The following MGAM2 variants were observed in gnomAD, a reference collection of about 807,000 sequenced individuals.
MGAM2 encodes the protein maltase-glucoamylase 2 (putative).
A neutral mutation model predicts 96.1 loss-of-function variants in MGAM2; 98 were observed. The ratio of observed to expected loss-of-function variants is 1.02; its 90% confidence interval spans 0.87 to 1.21. The LOEUF (loss-of-function observed/expected upper bound fraction) is 1.21, where lower values mean the gene tolerates loss of function less well. Ranked by LOEUF, MGAM2 falls within the 50% of genes most tolerant of loss-of-function variation. MGAM2 has a pLI of 0.00. For missense variants in MGAM2, 2,055 were observed against 1,182.4 expected, an observed-to-expected ratio of 1.74 and a Z score of -10.82; for synonymous variants, 749 against 414.8, an observed-to-expected ratio of 1.81 and a Z score of -9.79.
intron 2 of MGAM2, among the ~76,000 whole-genome samples, chr7:142,118,838 T>C (rs1031513737): frequency 6.6e-6 from 1 of 152,150 alleles, no homozygotes; most frequent in African/African-American, 2.4e-5. Context: ...TATATAAACA[T>C]TGACTCAAAA....
chr7:142,189,248 T>C, intron 36 of MGAM2, 119 bp from the exon 37 acceptor site: 1 of 547,836 alleles, frequency 1.8e-6, no homozygotes, highest in Non-Finnish European at 3.2e-6. Flanking sequence ...CCTCATAAAA[T>C]TGGGTCTGTT....
chr7:142,197,162 A>G (rs951143103), intron 40 of MGAM2, among the ~76,000 whole-genome samples: 2 of 152,154 alleles, frequency 1.3e-5, no homozygotes, highest in African/African-American at 4.8e-5. Flanking sequence ...CTCTCTGTAC[A>G]CATGTAGAGG....
At chr7:142,194,978 C>A (rs1039812320) in intron 37 of MGAM2, among the ~76,000 whole-genome samples, 3 of 152,040 alleles carry the variant, frequency 2.0e-5, no homozygotes, top group African/African-American at 7.3e-5. Flanking sequence ...TCTAAGGGTG[C>A]GTGCAGATGA....
intron 10 of MGAM2, among the ~76,000 whole-genome samples, chr7:142,139,658 TCAAA>T: frequency 1.0e-5 from 1 of 99,846 alleles, no homozygotes; most frequent in East Asian, 2.9e-4. Flanking sequence ...AGGCTCTATC[TCAAA>T]AAAAAAAAAA....
intron 10 of MGAM2, among the ~76,000 whole-genome samples, chr7:142,139,722 C>T (rs1795164496): frequency 6.8e-6 from 1 of 147,744 alleles, no homozygotes; most frequent in South Asian, 2.2e-4. Flanking sequence ...AACATATGGA[C>T]ATGGCTTTGG....
At chr7:142,174,362 T>A (rs1169899407) in intron 31 of MGAM2, among the ~76,000 whole-genome samples, 1 of 152,168 alleles carries the variant, frequency 6.6e-6, no homozygotes, top group Non-Finnish European at 1.5e-5. Context: ...GAACAGTGGT[T>A]TGTAGTTCTC....
Position 142,148,261 on chromosome 7 carries a change from TC to T in MGAM2, c.1634+695del, listed in dbSNP as rs912745056. ...ACCACCACCACAGTTATCACCACCA[TC>T]CCCCCCACCACCACAATCACTATCA... On this transcript the variant is annotated intron_variant, in intron 15 of 47. Transcript: ENST00000477922. This position sits in a 1 kb window ranked among gnomAD's most constrained non-coding sequence, Gnocchi z 4.2. 2.0e-4 allele frequency among the ~76,000 whole-genome samples: 28 copies of T among 143,268 alleles called. No individual in the cohort carries two copies. Among genetic ancestry groups the T allele is most frequent in the Admixed American group, 4.8e-4 (7 of 14,500 alleles). 94.0% of individuals were successfully genotyped at this position (143,268 alleles called of 152,430 possible).
intron 32 of MGAM2, among the ~76,000 whole-genome samples, chr7:142,177,308 T>C (rs1796409095): frequency 6.6e-6 from 1 of 152,176 alleles, no homozygotes; most frequent in African/African-American, 2.4e-5. Context: ...TCATGAGACT[T>C]ATTTGCTATC....
At chr7:142,159,179 A>C (rs1243162620) in intron 19 of MGAM2, 108 bp from the exon 20 acceptor site, 1 of 645,108 alleles carries the variant, frequency 1.6e-6, no homozygotes, top group Non-Finnish European at 2.8e-6. Context: ...GATGATCTCA[A>C]CCATCTCTCA....
chr7:142,201,306 G>C (rs1376531820), intron 45 of MGAM2, among the ~76,000 whole-genome samples: 1 of 151,722 alleles, frequency 6.6e-6, no homozygotes, highest in Non-Finnish European at 1.5e-5. Flanking sequence ...TTGGCCTCAA[G>C]TGATTCACCC....
At chr7:142,134,234 T>A (rs1794990415) in intron 7 of MGAM2, 82 bp downstream of exon 7, 2 of 622,168 alleles carry the variant, frequency 3.2e-6, no homozygotes, top group African/African-American at 1.8e-5. Flanking sequence ...CAGGAATACA[T>A]CTATTTTACT....
At chr7:142,130,487 G>A (rs3823669) in intron 3 of MGAM2, among the ~76,000 whole-genome samples, 25,281 of 152,074 alleles carry the variant, frequency 0.17, 2,459 homozygotes, top group East Asian at 0.36. Flanking sequence ...TGCTTTCTCC[G>A]CCAGGAATAC....
rs1458924718 is a variant in MGAM2 at position 142,133,969 on chromosome 7, C to T, written c.576-12C>T. 7 of 698,818 alleles carry T rather than the reference C, an allele frequency of 1.0e-5. No individual in the cohort carries two copies. Among genetic ancestry groups the T allele is most frequent in the Non-Finnish European group, 1.8e-5 (7 of 382,658 alleles). The allele number at this position is 698,818 out of a possible 1,614,324, so 43.3% of individuals were successfully genotyped here. A position where few individuals can be genotyped will look rare whatever the true frequency, so the allele number is the denominator to read the frequency against. On this transcript the variant is annotated splice_polypyrimidine_tract_variant and intron_variant, in intron 6 of 47. Coordinates refer to ENST00000477922, the MANE Select transcript of MGAM2 (RefSeq NM_001293626.2). ...TTTCGGTGATTCTTGCTCTACTTAC[C>T]CCATGGCCCAGGTTGGACACGAGCA...
chr7:142,164,710 C>A, intron 23 of MGAM2, 146 bp from the exon 24 acceptor site: 1 of 511,132 alleles, frequency 2.0e-6, no homozygotes, highest in Non-Finnish European at 3.4e-6. Context: ...GAACGAGTTC[C>A]CTAGGGATGA....
chr7:142,128,129 T>C (rs1403007669), intron 3 of MGAM2, among the ~76,000 whole-genome samples: 1 of 152,212 alleles, frequency 6.6e-6, no homozygotes, highest in Non-Finnish European at 1.5e-5. Context: ...GGTGGCATTT[T>C]ACCCCTACCC....
chr7:142,184,739 A>T (rs1024734733), intron 33 of MGAM2, among the ~76,000 whole-genome samples: 1 of 152,244 alleles, frequency 6.6e-6, no homozygotes, highest in African/African-American at 2.4e-5. Context: ...TTAGAGTCAC[A>T]CTTCATACTT....
intron 14 of MGAM2, among the ~76,000 whole-genome samples, chr7:142,146,958 C>T (rs1795406580): frequency 6.6e-6 from 1 of 152,088 alleles, no homozygotes; most frequent in Non-Finnish European, 1.5e-5. Context: ...GAGCTCTTGA[C>T]CTCAGGTGAT....
At chr7:142,162,125 TC>T in intron 23 of MGAM2, 121 bp downstream of exon 23, 1 of 495,646 alleles carries the variant, frequency 2.0e-6, no homozygotes. Context: ...CTGTCATGAT[TC>T]CAAAAAGGAA....
chr7:142,175,418 T>A (rs111899717), intron 31 of MGAM2, among the ~76,000 whole-genome samples: 1 of 149,894 alleles, frequency 6.7e-6, no homozygotes. Flanking sequence ...AGAGTTCCAA[T>A]TGGGGAAACA....
Sources: allele counts gnomAD v4.1 joint callset (sites outside exome capture counted in the v4.1 genomes callset), GRCh38; gene constraint gnomAD v4.1.1; non-coding constraint Gnocchi (gnomAD v3.1); transcripts MANE v1.5; gene names NCBI Gene and HGNC (gene_info 2026-07-23, HGNC 2026-07-21).